The following THOP1 variants were observed in gnomAD, a reference collection of about 807,000 sequenced individuals.
THOP1 encodes the protein thimet oligopeptidase 1.
Under a neutral mutation model 71.8 loss-of-function variants are expected in THOP1, and 49 were observed. The observed-to-expected ratio is 0.68, with a 90% CI of 0.54 to 0.87. THOP1 has a LOEUF of 0.87. Ranked by LOEUF, THOP1 falls within the 40% of genes least tolerant of loss-of-function variation. The pLI is 0.00. For synonymous variants in THOP1, 426 were observed against 421.5 expected (o/e 1.01, Z -0.13); for missense variants, 843 against 975.6 (o/e 0.86, Z 1.81).
rs1200177068 is a variant in THOP1, at chr19:2,805,992, G to T, written c.750+816G>T. On this transcript the variant is annotated intron_variant, in intron 6 of 12. Transcript: ENST00000307741. This position sits in a 1 kb window ranked among gnomAD's most constrained non-coding sequence, Gnocchi z 6.6. ...GGGCGGGTGCCCATCACTGCGGGGG[G>T]TGGGGGACGGGTGGGTACCAATGGG... 2.7e-5 allele frequency: 4 copies of T among 146,508 alleles called. No homozygotes were observed. The highest frequency in any genetic ancestry group is 4.5e-5 in the Non-Finnish European group (3 of 66,178). 9.1% of individuals were successfully genotyped at this position (146,508 alleles called of 1,614,324 possible). A position where few individuals can be genotyped will look rare whatever the true frequency, so the allele number is the denominator to read the frequency against.
At chr19:2,789,456 G>C (rs1049073910) in intron 1 of THOP1, among the ~76,000 whole-genome samples, 1 of 152,160 alleles carries the variant, frequency 6.6e-6, no homozygotes, top group Non-Finnish European at 1.5e-5. Flanking sequence ...GTGAGTGGCC[G>C]GGCCACATAT....
intron 1 of THOP1, 45 bp from the exon 2 acceptor site, chr19:2,790,376 A>C: frequency 6.7e-7 from 1 of 1,482,376 alleles, no homozygotes; most frequent in South Asian, 1.4e-5. Flanking sequence ...ACCCTAACTG[A>C]ACCGAAAGCA....
chr19:2,800,167 T>G (rs1437109586), intron 5 of THOP1, among the ~76,000 whole-genome samples: 1 of 152,174 alleles, frequency 6.6e-6, no homozygotes, highest in African/African-American at 2.4e-5. Flanking sequence ...CTGCCTGCCT[T>G]TATTTATTTA....
At chr19:2,797,518 C>T (rs924127702) in intron 4 of THOP1, among the ~76,000 whole-genome samples, 2 of 152,224 alleles carry the variant, frequency 1.3e-5, no homozygotes, top group South Asian at 2.1e-4. Flanking sequence ...CCTGCAATGA[C>T]GCAGGCAAAC....
At position 2,794,932 on chromosome 19, in the gene THOP1, A is replaced by G; in HGVS notation, c.378+20A>G. Reference sequence around the variant, plus strand: ...CTCCAGGTGAGGGGGCCCTGCGGGGAGTGCAAATAGCCTCCCAAGTAACTA... The same window carrying G: ...CTCCAGGTGAGGGGGCCCTGCGGGGGGTGCAAATAGCCTCCCAAGTAACTA... On this transcript the variant is annotated intron_variant, in intron 3 of 12. Transcript: ENST00000307741. 6.3e-7 allele frequency: 1 copy of G among 1,593,656 alleles called. No homozygotes were observed. Among genetic ancestry groups the G allele is most frequent in the Non-Finnish European group, 8.6e-7 (1 of 1,163,512 alleles).
In THOP1 at chr19:2,811,674, G is replaced by T; in HGVS notation, c.1848G>T (p.Glu616Asp). Residue 616 changes from glutamate (E) to aspartate (D), a missense_variant, in exon 12 of 13, where the codon GAG becomes GAT. Coordinates refer to ENST00000307741, the MANE Select transcript of THOP1 (RefSeq NM_003249.5). Reference sequence around the variant, plus strand: ...AGTACTACGGGTACCTGTGGAGCGAGGTGTATTCCATGGACATGTTCCACA... The same window carrying T: ...AGTACTACGGGTACCTGTGGAGCGATGTGTATTCCATGGACATGTTCCACA... ...DAQYYGYLWS[E>D]VYSMDMFHTR... 6.2e-7 allele frequency: 1 copy of T among 1,613,492 alleles called. No individual in the cohort carries two copies. Among genetic ancestry groups the T allele is most frequent in the Non-Finnish European group, 8.5e-7 (1 of 1,179,968 alleles).
Position 2,813,361 on chromosome 19 carries a change from G to GT in THOP1, c.*85_*86insT. On this transcript the variant is annotated 3_prime_UTR_variant, in exon 13 of 13. Transcript: ENST00000307741. ...CCCGGCACAGGATGGGGCAGGCTCT[G>GT]GCACAGTGCCTGGGACTGGCAGGGT... The GT allele has an allele frequency of 1.4e-6, 2 of 1,440,804 alleles. No homozygotes were observed. Among genetic ancestry groups the GT allele is most frequent in the Non-Finnish European group, 1.8e-6 (2 of 1,085,184 alleles). The allele number at this position is 1,440,804 out of a possible 1,614,324, so 89.3% of individuals were successfully genotyped here.
intron 2 of THOP1, among the ~76,000 whole-genome samples, chr19:2,792,231 T>C (rs1196011592): frequency 2.0e-5 from 3 of 152,240 alleles, no homozygotes; most frequent in Non-Finnish European, 2.9e-5. Context: ...CAGGCTTTTT[T>C]GTTGTTTTTT....
chr19:2,800,562 G>T (rs1394159558), intron 5 of THOP1, among the ~76,000 whole-genome samples: 2 of 152,240 alleles, frequency 1.3e-5, no homozygotes, highest in Admixed American at 1.3e-4. Flanking sequence ...GAGGTGGTGG[G>T]TGGGGACAAG....
At chr19:2,792,756 C>A (rs1011297668) in intron 2 of THOP1, among the ~76,000 whole-genome samples, 2 of 151,946 alleles carry the variant, frequency 1.3e-5, no homozygotes, top group African/African-American at 2.4e-5. Context: ...CAGGCTCAAG[C>A]GATCCTCCTG....
At chr19:2,794,310 G>A (rs1311328237) in intron 2 of THOP1, among the ~76,000 whole-genome samples, 1 of 152,088 alleles carries the variant, frequency 6.6e-6, no homozygotes, top group Non-Finnish European at 1.5e-5. Flanking sequence ...CACCACACCT[G>A]GCCTAAAGCT....
intron 3 of THOP1, among the ~76,000 whole-genome samples, chr19:2,795,623 C>G (rs1427498360): frequency 1.3e-5 from 2 of 152,142 alleles, no homozygotes; most frequent in Non-Finnish European, 2.9e-5. Context: ...ACAACGTTGC[C>G]CACGCTTGTC....
At chr19:2,795,679 G>A (rs927451556) in intron 3 of THOP1, among the ~76,000 whole-genome samples, 1 of 152,208 alleles carries the variant, frequency 6.6e-6, no homozygotes, top group Non-Finnish European at 1.5e-5. Flanking sequence ...ACTTTCCAGA[G>A]TTTCTGTTGA....
Position 2,801,646 on chromosome 19 carries a change from G to C in THOP1, c.589+1855G>C, listed in dbSNP as rs915838224. Among the ~76,000 whole-genome samples the C allele has an allele frequency of 3.9e-5, 6 of 152,198 alleles. No homozygotes were observed. Among genetic ancestry groups the C allele is most frequent in the African/African-American group, 1.4e-4 (6 of 41,440 alleles). On this transcript the variant is annotated intron_variant, in intron 5 of 12. Transcript: ENST00000307741. The surrounding 1 kb of genome is among the most constrained non-coding windows in gnomAD (Gnocchi z 5.1). ...AAACCTAAGGCCATGTAGTTTATAA[G>C]AAAAGGAATTAACTTGTCACAGCTC...
chr19:2,807,809 G>A lies in THOP1; in HGVS notation c.1253+1G>A. 1 of 1,486,106 alleles carries A rather than the reference G, an allele frequency of 6.7e-7. No homozygotes were observed. Among genetic ancestry groups the A allele is most frequent in the East Asian group, 2.4e-5 (1 of 41,786 alleles). The allele number at this position is 1,486,106 out of a possible 1,614,324, so 92.1% of individuals were successfully genotyped here. On this transcript the variant is annotated splice_donor_variant, in intron 8 of 12. Transcript: ENST00000307741. LOFTEE classifies it high-confidence loss of function. ...AGTTCTACCTGGACCTGTACCCGCG[G>A]TGGGTGAGGGCAGCGGGGGCGGGGG...
chr19:2,788,348 T>A (rs1915799595), intron 1 of THOP1, among the ~76,000 whole-genome samples: 1 of 152,212 alleles, frequency 6.6e-6, no homozygotes, highest in Admixed American at 6.5e-5. Context: ...CCAGCCTTTG[T>A]AAAAATGCAC....
At chr19:2,810,616 GCT>G in intron 10 of THOP1, 22 bp from the exon 11 acceptor site, 1 of 1,545,776 alleles carries the variant, frequency 6.5e-7, no homozygotes, top group Non-Finnish European at 8.7e-7. Flanking sequence ...GCAGAGGCCA[GCT>G]CTCTCCTTCC....
At chr19:2,798,300 G>A (rs143749907) in intron 4 of THOP1, among the ~76,000 whole-genome samples, 4 of 152,228 alleles carry the variant, frequency 2.6e-5, no homozygotes, top group Admixed American at 6.5e-5. Flanking sequence ...CAAACTGCTG[G>A]GATTACGGGT....
chr19:2,798,444 C>T (rs534127000), intron 4 of THOP1, among the ~76,000 whole-genome samples: 6 of 152,324 alleles, frequency 3.9e-5, no homozygotes, highest in African/African-American at 1.4e-4. Flanking sequence ...CAGAGGCAGC[C>T]CCGCCTGGAG....
Sources: gnomAD v4.1 joint callset for allele counts (sites outside exome capture counted in the v4.1 genomes callset) on GRCh38, gnomAD v4.1.1 for gene constraint, Gnocchi (gnomAD v3.1) non-coding constraint, MANE v1.5 for transcripts, NCBI Gene and HGNC (gene_info 2026-07-23, HGNC 2026-07-21) for gene names.